ARHGAP22: variants seen among roughly 807,000 people sequenced by gnomAD.
The protein encoded by ARHGAP22 is Rho GTPase activating protein 22.
Under a neutral mutation model 59.1 loss-of-function variants are expected in ARHGAP22, and 48 were observed. The ratio of observed to expected loss-of-function variants is 0.81; its 90% CI spans 0.64 to 1.03. ARHGAP22 has a LOEUF of 1.03. Among genes scored for constraint, ARHGAP22 ranks in the 50% least tolerant of loss-of-function variants. The probability of loss-of-function intolerance (pLI) is 0.00; values close to 1 mark genes in which losing one functional copy is unlikely to be tolerated. For synonymous variants in ARHGAP22, 445 were observed against 416.4 expected (o/e 1.07, Z -0.84); for missense variants, 1,015 against 958.7 (o/e 1.06, Z -0.78).
At chr10:48,650,336 G>A (rs1434200679) in intron 1 of ARHGAP22, among the ~76,000 whole-genome samples, 1 of 152,070 alleles carries the variant, frequency 6.6e-6, no homozygotes, top group Admixed American at 6.5e-5. Flanking sequence ...CTTCATAAAA[G>A]GATACATATT....
intron 1 of ARHGAP22, among the ~76,000 whole-genome samples, chr10:48,594,135 G>C (rs113535998): frequency 1.6e-4 from 25 of 152,308 alleles, no homozygotes; most frequent in African/African-American, 5.8e-4. Context: ...ACTAGGCTCT[G>C]GACCACAGCA....
chr10:48,566,291 G>A (rs10776618), intron 2 of ARHGAP22, among the ~76,000 whole-genome samples: 10 of 151,804 alleles, frequency 6.6e-5, no homozygotes, highest in South Asian at 2.1e-4. Context: ...CTTAAAAACC[G>A]TTATCCACCT....
chr10:48,633,100 A>G (rs575400823), intron 1 of ARHGAP22, among the ~76,000 whole-genome samples: 1 of 152,334 alleles, frequency 6.6e-6, no homozygotes, highest in South Asian at 2.1e-4. Context: ...GTTTTTGCCA[A>G]TTATGTTGCC....
chr10:48,621,227 ATTTC>A (rs10580035), intron 1 of ARHGAP22, among the ~76,000 whole-genome samples: 15,904 of 152,054 alleles, frequency 0.1, 1,918 homozygotes, highest in African/African-American at 0.3. Context: ...ACAGCTTTAT[ATTTC>A]TTTATTTTTT....
intron 3 of ARHGAP22, among the ~76,000 whole-genome samples, chr10:48,540,021 G>T (rs1448597687): frequency 6.6e-6 from 1 of 152,130 alleles, no homozygotes; most frequent in African/African-American, 2.4e-5. Flanking sequence ...TCTGTGACTC[G>T]CTCTGGACCT....
intron 3 of ARHGAP22, among the ~76,000 whole-genome samples, chr10:48,534,797 C>A (rs1590008434): frequency 6.6e-6 from 1 of 152,290 alleles, no homozygotes; most frequent in South Asian, 2.1e-4. Context: ...CCAGGGTGAT[C>A]CTTACTTTCT....
chr10:48,521,529 T>G (rs982356260), intron 3 of ARHGAP22, among the ~76,000 whole-genome samples: 1 of 152,264 alleles, frequency 6.6e-6, no homozygotes, highest in Non-Finnish European at 1.5e-5. Context: ...CATCCAAGAA[T>G]GAAATCAATA....
chr10:48,479,756 C>G lies in ARHGAP22; in HGVS notation c.331G>C (p.Gly111Arg), dbSNP rs201086362. The change falls in exon 4 of 10, where the codon GGG (glycine) becomes CGG (arginine). Residue 111 changes from glycine to arginine, a missense_variant. Transcript: ENST00000249601. ...HLFEISPGGA[G>R]EREKVPANPE... ...TTGGCCGGCACCTTCTCCCGCTCCC[C>G]GGCACCACCTGCAAGACAGGGAGAC... 1 of 1,590,098 alleles carries G rather than the reference C, an allele frequency of 6.3e-7. No individual in the cohort carries two copies. Among genetic ancestry groups the G allele is most frequent in the Admixed American group, 1.7e-5 (1 of 58,398 alleles).
chr10:48,497,184 G>A (rs2051029540), intron 3 of ARHGAP22, among the ~76,000 whole-genome samples: 1 of 152,208 alleles, frequency 6.6e-6, no homozygotes, highest in South Asian at 2.1e-4. Flanking sequence ...GGTCTCCCAT[G>A]GAAAAATTAT....
chr10:48,561,466 T>A (rs930159499), intron 2 of ARHGAP22, among the ~76,000 whole-genome samples: 2 of 152,224 alleles, frequency 1.3e-5, no homozygotes, highest in African/African-American at 4.8e-5. Context: ...ATCAGAAGCT[T>A]GACTCAAAAA....
At chr10:48,453,796 C>CG (rs2046227660) in intron 7 of ARHGAP22, among the ~76,000 whole-genome samples, 1 of 152,120 alleles carries the variant, frequency 6.6e-6, no homozygotes, top group Non-Finnish European at 1.5e-5. Context: ...GGGCAGATGC[C>CG]GGGGGGACAG....
chr10:48,451,864 C>T (rs2133612359), intron 8 of ARHGAP22, among the ~76,000 whole-genome samples: 1 of 151,614 alleles, frequency 6.6e-6, no homozygotes. Context: ...AAAGCCCCTA[C>T]ACACACACAA....
At chr10:48,452,785 C>CTGGT (rs2046110672) in intron 8 of ARHGAP22, among the ~76,000 whole-genome samples, 1 of 152,244 alleles carries the variant, frequency 6.6e-6, no homozygotes, top group Non-Finnish European at 1.5e-5. Context: ...ACAGCACAGG[C>CTGGT]TGGTTGTAAA....
chr10:48,524,597 C>G (rs954555541), intron 3 of ARHGAP22, among the ~76,000 whole-genome samples: 4 of 152,256 alleles, frequency 2.6e-5, no homozygotes, highest in South Asian at 2.1e-4. Flanking sequence ...GGAGACGCCC[C>G]CAACCCCACC....
chr10:48,579,553 G>A (rs186392860), intron 2 of ARHGAP22, among the ~76,000 whole-genome samples: 8 of 152,250 alleles, frequency 5.3e-5, no homozygotes, highest in South Asian at 2.1e-4. Context: ...CTTTTTCTCC[G>A]TCTTGAACTG....
chr10:48,451,253 C>T (rs759373337), intron 8 of ARHGAP22, 113 bp from the exon 9 acceptor site: 1 of 1,415,940 alleles, frequency 7.1e-7, no homozygotes, highest in Middle Eastern at 1.7e-4. Flanking sequence ...TCCCCAGAGC[C>T]AGGCCGCCCC....
intron 4 of ARHGAP22, among the ~76,000 whole-genome samples, chr10:48,467,841 G>A (rs891743352): frequency 1.3e-5 from 2 of 152,286 alleles, no homozygotes; most frequent in South Asian, 4.1e-4. Flanking sequence ...ATTCTTAAGG[G>A]AGGGATTTGC....
intron 1 of ARHGAP22, among the ~76,000 whole-genome samples, chr10:48,591,475 A>C (rs1454161818): frequency 6.6e-6 from 1 of 152,122 alleles, no homozygotes; most frequent in Non-Finnish European, 1.5e-5. Context: ...AATACTAATA[A>C]CTACCAGCAT....
At position 48,605,027 on chromosome 10, in the gene ARHGAP22, T is replaced by C. The variant is rs1564986599; in HGVS notation, c.-231A>G. On this transcript the variant is annotated 5_prime_UTR_variant, in exon 1 of 10. It removes an upstream start codon present in the reference 5' UTR. Transcript: ENST00000249601. ...TTATCCATCCCAGAATTAATTCCCATCCAAGCGGACCATTAAAGCCTCAGT... is the reference window on the plus strand; with the variant it reads ...TTATCCATCCCAGAATTAATTCCCACCCAAGCGGACCATTAAAGCCTCAGT... The C allele has an allele frequency of 2.1e-6, 3 of 1,430,494 alleles. No individual in the cohort carries two copies. Among genetic ancestry groups the C allele is most frequent in the South Asian group, 2.9e-5 (2 of 68,188 alleles). 88.6% of individuals were successfully genotyped at this position (1,430,494 alleles called of 1,614,324 possible). A position where few individuals can be genotyped will look rare whatever the true frequency, so the allele number is the denominator to read the frequency against.
Sources: allele counts gnomAD v4.1 joint callset (sites outside exome capture counted in the v4.1 genomes callset), GRCh38; gene constraint gnomAD v4.1.1; transcripts MANE v1.5; gene names NCBI Gene and HGNC (gene_info 2026-07-23, HGNC 2026-07-21).